TTLL5: variants seen among roughly 807,000 people sequenced by gnomAD.
The protein encoded by TTLL5 is tubulin polyglutamylase TTLL5.
Under a neutral mutation model 168.4 loss-of-function variants are expected in TTLL5, and 132 were observed. That is an observed-to-expected ratio of 0.78 (90% CI 0.68 to 0.91). The LOEUF (loss-of-function observed/expected upper bound fraction) is 0.91, where lower values mean the gene tolerates loss of function less well. TTLL5 is among the 40% of genes least tolerant of loss of function. The probability of loss-of-function intolerance (pLI) is 0.00; values close to 1 mark genes in which losing one functional copy is unlikely to be tolerated. For missense variants in TTLL5, 1,545 were observed against 1,581.5 expected (o/e 0.98, Z 0.39); for synonymous variants, 546 against 558.6 (o/e 0.98, Z 0.32).
At chr14:75,940,849 G>A (rs1389829059) in intron 31 of TTLL5, among the ~76,000 whole-genome samples, 2 of 152,198 alleles carry the variant, frequency 1.3e-5, no homozygotes, top group Non-Finnish European at 2.9e-5. Context: ...TTACAGGTTT[G>A]TGAGACTTAA....
chr14:75,752,749 C>A, intron 17 of TTLL5, 144 bp from the exon 18 acceptor site: 1 of 553,488 alleles, frequency 1.8e-6, no homozygotes, highest in Non-Finnish European at 3.0e-6. Context: ...CTGTCTTTTC[C>A]TTTGCCACTT....
At chr14:75,888,097 C>T (rs1428788958) in intron 30 of TTLL5, among the ~76,000 whole-genome samples, 1 of 152,188 alleles carries the variant, frequency 6.6e-6, no homozygotes, top group Non-Finnish European at 1.5e-5. Context: ...GAGCGCCAGT[C>T]AGGAGCTCTG....
rs868181734 is a variant in TTLL5 at position 75,925,297 on chromosome 14, C to T, written c.3823+23073C>T. ...GCGGAGGGGCTCCTCACTTCTCAGA[C>T]GGGGCGGTTGCCAGGTGGAGGGTCT... is the stretch of plus-strand genomic sequence containing the variant. On this transcript the variant is annotated intron_variant, in intron 31 of 31. Transcript: ENST00000298832. 2.7e-4 allele frequency among the ~76,000 whole-genome samples: 41 copies of T among 150,932 alleles called. 1 individual carries two copies. The highest frequency in any genetic ancestry group is 3.1e-4 in the Non-Finnish European group (21 of 67,714).
Position 75,766,176 on chromosome 14 carries a change from C to G in TTLL5, c.1823C>G (p.Ala608Gly). 1 of 1,613,984 alleles carries G rather than the reference C, an allele frequency of 6.2e-7. No homozygotes were observed. The highest frequency in any genetic ancestry group is 8.5e-7 in the Non-Finnish European group (1 of 1,179,974). ...EEQEASQEESAGFLRENQAKY... is the reference protein window; with the variant it reads ...EEQEASQEESGGFLRENQAKY... ...CAGGAGGCTTCCCAGGAGGAGTCTG[C>G]AGGATTTCTTAGAGAAAATCAAGCC... The change falls in exon 20 of 32, where the codon GCA becomes GGA. Residue 608 changes from alanine (A) to glycine (G), a missense_variant. Ala to Gly is a moderately conservative substitution (Grantham distance 60). Transcript: ENST00000298832.
intron 29 of TTLL5, among the ~76,000 whole-genome samples, chr14:75,873,142 C>A (rs910496349): frequency 1.3e-5 from 2 of 149,886 alleles, no homozygotes; most frequent in African/African-American, 4.9e-5. Context: ...GGCTCAATCT[C>A]GGCTCATTGC....
intron 31 of TTLL5, among the ~76,000 whole-genome samples, chr14:75,950,144 G>A (rs2034915357): frequency 6.6e-6 from 1 of 152,102 alleles, no homozygotes; most frequent in African/African-American, 2.4e-5. Context: ...AATAACTTAC[G>A]ACCAAGACAC....
rs2030146488 is a variant in TTLL5 at position 75,862,904 on chromosome 14, A to G, written c.3327-763A>G. 1.3e-5 allele frequency among the ~76,000 whole-genome samples: 2 copies of G among 152,166 alleles called. 1 individual carries two copies. The highest frequency in any genetic ancestry group is 4.8e-5 in the African/African-American group (2 of 41,440). ...TGAGGCTACGGTGAGCTGTGATTGC[A>G]CCACTGCACTCCATTCTGGGCTACA... On this transcript the variant is annotated intron_variant, in intron 28 of 31. Transcript: ENST00000298832.
In TTLL5 at chr14:75,707,609, C is replaced by CT. The variant is rs751439234; in HGVS notation, c.656-3dup. On this transcript the variant is annotated splice_polypyrimidine_tract_variant and intron_variant, in intron 8 of 31. Transcript: ENST00000298832. ...CTTAGTTTTTTTTTGTGAATACAAA[C>CT]TTTTTTTTTTTAGATTTCAAGTTTG... 0.011 allele frequency: 12,388 copies of CT among 1,104,532 alleles called. No homozygotes were observed. Among genetic ancestry groups the CT allele is most frequent in the South Asian group, 0.017 (1,003 of 60,738 alleles). The allele number at this position is 1,104,532 out of a possible 1,614,324, so 68.4% of individuals were successfully genotyped here.
At chr14:75,923,859 C>G (rs2033911856) in intron 31 of TTLL5, among the ~76,000 whole-genome samples, 1 of 152,156 alleles carries the variant, frequency 6.6e-6, no homozygotes, top group Admixed American at 6.5e-5. Flanking sequence ...TTGTAGGTCT[C>G]TAAGAACTTG....
intron 27 of TTLL5, among the ~76,000 whole-genome samples, chr14:75,793,770 T>C (rs945872956): frequency 1.3e-5 from 2 of 152,224 alleles, no homozygotes; most frequent in African/African-American, 4.8e-5. Flanking sequence ...CTCTTTGTCC[T>C]TCTTGCTGGT....
intron 20 of TTLL5, among the ~76,000 whole-genome samples, chr14:75,770,793 G>GGCTT (rs1381810812): frequency 6.6e-6 from 1 of 152,136 alleles, no homozygotes; most frequent in Non-Finnish European, 1.5e-5. Context: ...TGAACATCTG[G>GGCTT]GCTTGTCCTG....
chr14:75,853,957 C>T (rs1271997186), intron 28 of TTLL5, among the ~76,000 whole-genome samples: 2 of 152,058 alleles, frequency 1.3e-5, no homozygotes, highest in Non-Finnish European at 2.9e-5. Flanking sequence ...GGCATGAGAA[C>T]TGCTTGAACC....
rs1326727923 is a variant in TTLL5, at chr14:75,777,738, T to C, written c.2387+888T>C. On this transcript the variant is annotated intron_variant, in intron 23 of 31. Transcript: ENST00000298832. ...AGAAAATCTACCCTATGTTGATTGG[T>C]GAAGTTAAATGAGGTAGGGGTAGGA... Among the ~76,000 whole-genome samples the C allele has an allele frequency of 6.6e-5, 10 of 152,244 alleles. No homozygotes were observed. The East Asian group carries it at 1.9e-3, about 29-fold the overall frequency.
At chr14:75,821,629 T>A (rs912171014) in intron 28 of TTLL5, among the ~76,000 whole-genome samples, 2 of 152,196 alleles carry the variant, frequency 1.3e-5, no homozygotes, top group Non-Finnish European at 2.9e-5. Flanking sequence ...AAAACATTTT[T>A]AATAACAATT....
rs1176893655 is a variant in TTLL5, at chr14:75,752,472, G to A, written c.1488-421G>A. On this transcript the variant is annotated intron_variant, in intron 17 of 31. Transcript: ENST00000298832. ...AGGAGCCACTGAAAGCTCTTAATTTGGGAATAACATGATTGAAACAGTCTC... is the reference window on the plus strand; with the variant it reads ...AGGAGCCACTGAAAGCTCTTAATTTAGGAATAACATGATTGAAACAGTCTC... Among the ~76,000 whole-genome samples, 3 of 152,182 alleles carry A rather than the reference G, an allele frequency of 2.0e-5. No individual in the cohort carries two copies. In the East Asian group the frequency reaches 5.8e-4, roughly 29 times the overall value.
rs1887726309 is a variant in TTLL5, at chr14:75,719,759, T to C, written c.867T>C (p.Asp289=). The change falls in exon 11 of 32, where the codon GAT becomes GAC. Residue 289 remains aspartate (D), a synonymous_variant. Transcript: ENST00000298832. ...YVSCDDPEVE[D]YGNKWSMSAM... ...GTTGTGACGATCCAGAAGTGGAGGATTATGGAAACAAATGGAGCATGAGTG... is the reference window on the plus strand; with the variant it reads ...GTTGTGACGATCCAGAAGTGGAGGACTATGGAAACAAATGGAGCATGAGTG... The C allele has an allele frequency of 3.7e-6, 6 of 1,612,260 alleles. No individual in the cohort carries two copies. The highest frequency in any genetic ancestry group is 4.2e-6 in the Non-Finnish European group (5 of 1,179,438).
At chr14:75,780,958 A>G (rs1054999195) in intron 24 of TTLL5, among the ~76,000 whole-genome samples, 1 of 152,138 alleles carries the variant, frequency 6.6e-6, no homozygotes, top group Non-Finnish European at 1.5e-5. Flanking sequence ...TTAACTTTAT[A>G]AAGTTTATTG....
chr14:75,686,172 G>A (rs963872247), intron 5 of TTLL5, among the ~76,000 whole-genome samples: 39 of 152,188 alleles, frequency 2.6e-4, no homozygotes, highest in African/African-American at 9.4e-4. Context: ...TTCTTAGTTG[G>A]TTTTGAAGGA....
At chr14:75,874,307 T>A (rs1455516551) in intron 29 of TTLL5, among the ~76,000 whole-genome samples, 1 of 152,160 alleles carries the variant, frequency 6.6e-6, no homozygotes, top group African/African-American at 2.4e-5. Context: ...TTAGCCAGGA[T>A]GGTCTCGATT....
Sources: allele counts gnomAD v4.1 joint callset (sites outside exome capture counted in the v4.1 genomes callset), GRCh38; gene constraint gnomAD v4.1.1; transcripts MANE v1.5; gene names NCBI Gene and HGNC (gene_info 2026-07-23, HGNC 2026-07-21).